SI: variants seen among roughly 807,000 people sequenced by gnomAD.
The protein encoded by SI is sucrase-isomaltase, intestinal.
A neutral mutation model predicts 253.3 loss-of-function variants in SI; 235 were observed. That is an observed-to-expected ratio of 0.93 (90% CI 0.83 to 1.03). The LOEUF is 1.03. Ranked by LOEUF, SI falls within the 50% of genes least tolerant of loss-of-function variation. The probability of loss-of-function intolerance (pLI) is 0.00; values close to 1 mark genes in which losing one functional copy is unlikely to be tolerated. For missense variants in SI, 2,442 were observed against 2,211.1 expected (o/e 1.10, Z -2.09); for synonymous variants, 819 against 712.0 (o/e 1.15, Z -2.39).
At chr3:165,019,112 G>A (rs1406186833) in intron 28 of SI, among the ~76,000 whole-genome samples, 1 of 151,544 alleles carries the variant, frequency 6.6e-6, no homozygotes, top group Middle Eastern at 3.2e-3. Context: ...ACAAATCTTT[G>A]GAAAAAGAGT....
intron 22 of SI, among the ~76,000 whole-genome samples, chr3:165,034,776 G>A (rs761098495): frequency 6.6e-6 from 1 of 151,974 alleles, no homozygotes; most frequent in East Asian, 1.9e-4. Flanking sequence ...ATAAAACTCC[G>A]TCTCCTAACT....
chr3:165,025,260 A>T (rs1483038420), intron 25 of SI, among the ~76,000 whole-genome samples: 2 of 151,262 alleles, frequency 1.3e-5, no homozygotes. Context: ...TCAGAGCTTC[A>T]AGATGAGGTT....
intron 25 of SI, among the ~76,000 whole-genome samples, chr3:165,025,210 A>G (rs1711847403): frequency 6.6e-6 from 1 of 151,200 alleles, no homozygotes. Flanking sequence ...ACAGAAATGA[A>G]AGTCTCAGCA....
chr3:165,040,603 A>G (rs1423959653), intron 18 of SI, among the ~76,000 whole-genome samples: 3 of 151,808 alleles, frequency 2.0e-5, no homozygotes. Context: ...TAAGTTTTAT[A>G]CTCTACTCTT....
intron 17 of SI, 110 bp downstream of exon 17, chr3:165,042,949 A>T: frequency 1.3e-6 from 1 of 766,616 alleles, no homozygotes; most frequent in Non-Finnish European, 2.3e-6. Context: ...ATGTCTTATG[A>T]ATTATGCTAC....
chr3:165,050,468 A>T (rs560987793), intron 13 of SI, among the ~76,000 whole-genome samples: 2 of 152,262 alleles, frequency 1.3e-5, no homozygotes, highest in South Asian at 2.1e-4. Flanking sequence ...TTGAAGAAAT[A>T]GTGGTGGGAT....
At chr3:165,081,161 T>C (rs1341214373), upstream of SI, among the ~76,000 whole-genome samples, 1 of 151,976 alleles carries the variant, frequency 6.6e-6, no homozygotes, top group Non-Finnish European at 1.5e-5. Context: ...CATAAGGAAG[T>C]TATGTACAGT....
chr3:165,059,422 C>A, intron 10 of SI, 123 bp from the exon 11 acceptor site: 1 of 966,544 alleles, frequency 1.0e-6, no homozygotes, highest in Non-Finnish European at 1.6e-6. Flanking sequence ...GAACGTCCAT[C>A]CTTTTCATTT....
At chr3:165,039,257 C>A in intron 19 of SI, 123 bp from the exon 20 acceptor site, 1 of 644,860 alleles carries the variant, frequency 1.6e-6, no homozygotes, top group South Asian at 1.9e-5. Flanking sequence ...TCCAATATTT[C>A]CTATAGATAA....
chr3:165,049,976 A>G lies in SI; in HGVS notation c.1513-101T>C, dbSNP rs926690120. On this transcript the variant is annotated intron_variant, in intron 13 of 47. Coordinates refer to ENST00000264382, the MANE Select transcript of SI (RefSeq NM_001041.4). ...TGAAAATGTTTTATATAAGATAACC[A>G]TAATGCTCGTTAATTCCTAGAAGAT... 4.0e-6 allele frequency: 3 copies of G among 757,078 alleles called. No homozygotes were observed. The African/African-American group carries it at 5.2e-5, about 13-fold the overall frequency. The allele number at this position is 757,078 out of a possible 1,614,324, so 46.9% of individuals were successfully genotyped here.
intron 16 of SI, among the ~76,000 whole-genome samples, chr3:165,045,964 G>A (rs989450126): frequency 2.0e-5 from 3 of 150,710 alleles, no homozygotes; most frequent in African/African-American, 7.3e-5. Context: ...TTCCCAAGTA[G>A]CTGGGACTAC....
intron 25 of SI, among the ~76,000 whole-genome samples, chr3:165,026,899 C>G (rs144137144): frequency 2.0e-5 from 3 of 151,082 alleles, no homozygotes; most frequent in African/African-American, 7.3e-5. Flanking sequence ...AATCTAAGGT[C>G]ACACTTCAAG....
At chr3:165,037,667 A>T (rs1392554205) in intron 21 of SI, among the ~76,000 whole-genome samples, 4 of 151,834 alleles carry the variant, frequency 2.6e-5, no homozygotes, top group Admixed American at 2.6e-4. Context: ...TAAATTTTTG[A>T]TACAGGAAGT....
At chr3:165,045,552 A>G (rs568289422) in intron 16 of SI, among the ~76,000 whole-genome samples, 11 of 151,928 alleles carry the variant, frequency 7.2e-5, no homozygotes, top group Middle Eastern at 3.4e-3. Flanking sequence ...TTTTTCCTCT[A>G]GAGATTTTGT....
chr3:165,021,988 T>C (rs1711647375), intron 26 of SI, among the ~76,000 whole-genome samples: 1 of 151,630 alleles, frequency 6.6e-6, no homozygotes, highest in African/African-American at 2.4e-5. Flanking sequence ...TTCCTACTTA[T>C]GAGGTTTCAT....
intron 40 of SI, among the ~76,000 whole-genome samples, chr3:164,995,312 T>A (rs192876357): frequency 2.8e-4 from 42 of 151,896 alleles, no homozygotes; most frequent in Non-Finnish European, 5.5e-4. Flanking sequence ...ACTGTTAAGC[T>A]GTATGTAATC....
At chr3:165,041,684 T>C (rs1321359834) in intron 17 of SI, among the ~76,000 whole-genome samples, 1 of 152,134 alleles carries the variant, frequency 6.6e-6, no homozygotes, top group African/African-American at 2.4e-5. Context: ...GCAGCCTCTC[T>C]ACTGAGCTCA....
intron 18 of SI, 78 bp downstream of exon 18, chr3:165,040,862 T>A (rs1452676182): frequency 8.8e-7 from 1 of 1,133,064 alleles, no homozygotes; most frequent in African/African-American, 1.5e-5. Flanking sequence ...TATCTTGATT[T>A]ACCTCCATTA....
At chr3:165,011,835 T>G (rs888891359) in intron 34 of SI, among the ~76,000 whole-genome samples, 1 of 150,938 alleles carries the variant, frequency 6.6e-6, no homozygotes, top group Non-Finnish European at 1.5e-5. Flanking sequence ...CAACAAAGTC[T>G]TCAAACAGCA....
Sources: gnomAD v4.1 joint callset for allele counts (sites outside exome capture counted in the v4.1 genomes callset) on GRCh38, gnomAD v4.1.1 for gene constraint, MANE v1.5 for transcripts, NCBI Gene and HGNC (gene_info 2026-07-23, HGNC 2026-07-21) for gene names.